Variants in SORBS2 observed in about 807,000 individuals in gnomAD.
SORBS2 encodes the protein sorbin and SH3 domain-containing protein 2.
A neutral mutation model predicts 97.7 loss-of-function variants in SORBS2; 46 were observed. The ratio of observed to expected loss-of-function variants is 0.47; its 90% CI spans 0.37 to 0.60. The LOEUF (loss-of-function observed/expected upper bound fraction) is 0.60, where lower values mean the gene tolerates loss of function less well. Among genes scored for constraint, SORBS2 ranks in the 20% least tolerant of loss-of-function variants. The probability of loss-of-function intolerance (pLI) is 0.00; values close to 1 mark genes in which losing one functional copy is unlikely to be tolerated. For synonymous variants in SORBS2, 476 were observed against 473.4 expected, an observed-to-expected ratio of 1.01 and a Z score of -0.07; for missense variants, 1,316 against 1,282.3, an observed-to-expected ratio of 1.03 and a Z score of -0.40.
intron 9 of SORBS2, among the ~76,000 whole-genome samples, chr4:185,615,524 T>G (rs1393772646): frequency 6.6e-6 from 1 of 152,206 alleles, no homozygotes; most frequent in South Asian, 2.1e-4. Flanking sequence ...TTTTTTTTTT[T>G]TTTGTCCTGA....
At chr4:185,865,496 AAAC>A (rs146799086) in intron 1 of SORBS2, among the ~76,000 whole-genome samples, 1,653 of 152,344 alleles carry the variant, frequency 0.011, 37 homozygotes, top group African/African-American at 0.037. Flanking sequence ...ACTGGTTAAA[AAAC>A]AACAACAAAA....
At chr4:185,952,088 G>T (rs2099277492) in intron 1 of SORBS2, among the ~76,000 whole-genome samples, 2 of 151,352 alleles carry the variant, frequency 1.3e-5, no homozygotes, top group South Asian at 4.2e-4. Context: ...GCAGTGGCAA[G>T]ATCTCGGCTC....
intron 2 of SORBS2, chr4:185,771,154 ATTT>A (rs35731107): frequency 5.0e-5 from 7 of 138,786 alleles, no homozygotes; most frequent in Non-Finnish European, 6.2e-5. Context: ...CTAATTTTGC[ATTT>A]TTTTTTTTTT....
intron 1 of SORBS2, among the ~76,000 whole-genome samples, chr4:185,876,307 T>G (rs1369660628): frequency 6.6e-6 from 1 of 152,038 alleles, no homozygotes; most frequent in Non-Finnish European, 1.5e-5. Context: ...GGAGTTTAAC[T>G]ATATTGGCCA....
intron 4 of SORBS2, among the ~76,000 whole-genome samples, chr4:185,668,419 G>C (rs908231628): frequency 6.6e-6 from 1 of 152,216 alleles, no homozygotes; most frequent in Admixed American, 6.5e-5. Flanking sequence ...GTGTATGTGC[G>C]TGTGTGTGTT....
At chr4:185,937,124 C>T (rs1004054137) in intron 1 of SORBS2, among the ~76,000 whole-genome samples, 10 of 152,120 alleles carry the variant, frequency 6.6e-5, no homozygotes, top group Non-Finnish European at 1.3e-4. Context: ...CAGCCTGGTG[C>T]TTGAACCCGA....
upstream of SORBS2, among the ~76,000 whole-genome samples, chr4:185,660,931 C>T (rs538406239): frequency 2.7e-4 from 41 of 152,060 alleles, no homozygotes; most frequent in South Asian, 5.8e-3. Context: ...AGTTCAATTT[C>T]GTATTTTTTT....
chr4:185,817,146 C>G (rs7674346), intron 1 of SORBS2, among the ~76,000 whole-genome samples: 80,875 of 151,570 alleles, frequency 0.53, 21,997 homozygotes, highest in Middle Eastern at 0.72. Flanking sequence ...ACTACTTTAT[C>G]GTAAAATGTG....
chr4:185,668,833 T>C (rs2097662318), intron 4 of SORBS2, among the ~76,000 whole-genome samples: 1 of 152,222 alleles, frequency 6.6e-6, no homozygotes, highest in African/African-American at 2.4e-5. Flanking sequence ...GGTGTTTGAA[T>C]AGGGATCAAG....
At chr4:185,586,333 A>T (rs6835962) in exon 15 of SORBS2, 1 of 152,668 alleles carries the variant, frequency 6.6e-6, no homozygotes, top group African/African-American at 2.4e-5. Flanking sequence ...TTTCTGCTTC[A>T]GGGCAGAAAA....
chr4:185,886,946 A>G (rs1248442475), intron 1 of SORBS2, among the ~76,000 whole-genome samples: 2 of 152,188 alleles, frequency 1.3e-5, no homozygotes, highest in African/African-American at 4.8e-5. Flanking sequence ...CAGCTCAGTA[A>G]AGGGAAGGAC....
upstream of SORBS2, among the ~76,000 whole-genome samples, chr4:185,659,566 G>A (rs1045502283): frequency 1.2e-4 from 18 of 148,762 alleles, no homozygotes; most frequent in South Asian, 2.2e-4. Context: ...ACAGGTGCCC[G>A]CCATCACGCC....
At chr4:185,791,621 A>T (rs566011709) in intron 1 of SORBS2, among the ~76,000 whole-genome samples, 1 of 152,074 alleles carries the variant, frequency 6.6e-6, no homozygotes, top group East Asian at 1.9e-4. Context: ...TTCACCTAGC[A>T]TGTTAGGACT....
chr4:185,686,750 G>GA (rs2097968641), intron 2 of SORBS2, among the ~76,000 whole-genome samples: 1 of 152,222 alleles, frequency 6.6e-6, no homozygotes, highest in Non-Finnish European at 1.5e-5. Flanking sequence ...GGTGAAAAGA[G>GA]AAAATTCCAG....
chr4:185,803,946 G>A lies in SORBS2; in HGVS notation c.-337-28580C>T, dbSNP rs141902609. Among the ~76,000 whole-genome samples, 115 of 152,220 alleles carry A rather than the reference G, an allele frequency of 7.6e-4. No homozygotes were observed. In the East Asian group the frequency reaches 0.021, roughly 27 times the overall value. On this transcript the variant is annotated intron_variant, in intron 1 of 20. Coordinates refer to the SORBS2 transcript ENST00000284776. Reference sequence around the variant, plus strand: ...TCATATTTTTATTATTTTCTTAACTGTCAGACATAACTCATATGTAGTTAA... The same window carrying A: ...TCATATTTTTATTATTTTCTTAACTATCAGACATAACTCATATGTAGTTAA...
At chr4:185,939,035 T>C (rs2099270529) in intron 1 of SORBS2, among the ~76,000 whole-genome samples, 1 of 152,198 alleles carries the variant, frequency 6.6e-6, no homozygotes, top group Non-Finnish European at 1.5e-5. Flanking sequence ...CTGTTCTCTC[T>C]CCTAAAGGAA....
At chr4:185,643,876 G>A (rs556170100) in intron 4 of SORBS2, among the ~76,000 whole-genome samples, 16 of 152,246 alleles carry the variant, frequency 1.1e-4, no homozygotes, top group Admixed American at 6.5e-4. Flanking sequence ...GCTGGCCATC[G>A]CTGCGACGCC....
At chr4:185,812,584 C>T (rs1490835124) in intron 1 of SORBS2, among the ~76,000 whole-genome samples, 1 of 152,200 alleles carries the variant, frequency 6.6e-6, no homozygotes, top group African/African-American at 2.4e-5. Flanking sequence ...TCAAAACAAG[C>T]CCCACCTTCC....
chr4:185,649,999 A>G (rs374576704), intron 2 of SORBS2, among the ~76,000 whole-genome samples: 1 of 152,162 alleles, frequency 6.6e-6, no homozygotes, highest in African/African-American at 2.4e-5. Flanking sequence ...CTAAGAAAAT[A>G]GTTCAGTTTT....
Sources: gnomAD v4.1 joint callset for allele counts (sites outside exome capture counted in the v4.1 genomes callset) on GRCh38, gnomAD v4.1.1 for gene constraint, MANE v1.5 for transcripts, NCBI Gene and HGNC (gene_info 2026-07-23, HGNC 2026-07-21) for gene names.